The following ENTREP2 variants were observed in gnomAD, a reference collection of about 807,000 sequenced individuals.
ENTREP2 encodes endosomal transmembrane epsin interactor 2, also known as protein ENTREP2.
chr15:29,151,297 A>G, the ENTREP2 span, among the ~76,000 whole-genome samples: 22 of 152,310 alleles, frequency 1.4e-4, no homozygotes, highest in Admixed American at 9.8e-4. Flanking sequence ...AGGGTTCATT[A>G]GCAAATCAAA....
chr15:29,269,170 A>G, the ENTREP2 span: 3 of 1,614,012 alleles, frequency 1.9e-6, no homozygotes, highest in Non-Finnish European at 2.5e-6. Flanking sequence ...GACGATCATC[A>G]GGAGGCCCGT....
the ENTREP2 span, among the ~76,000 whole-genome samples, chr15:29,596,409 A>C: frequency 8.4e-6 from 1 of 118,554 alleles, no homozygotes; most frequent in African/African-American, 2.9e-5. Flanking sequence ...TACTTTAGTT[A>C]ATTCTTTAAT....
the ENTREP2 span, among the ~76,000 whole-genome samples, chr15:29,480,532 C>A: frequency 2.0e-5 from 3 of 151,506 alleles, no homozygotes; most frequent in Non-Finnish European, 4.4e-5. Context: ...CACAGAAGGA[C>A]GTGATGCAAA....
chr15:29,299,998 TG>T, the ENTREP2 span, among the ~76,000 whole-genome samples: 1 of 107,838 alleles, frequency 9.3e-6, no homozygotes, highest in African/African-American at 6.4e-5. Context: ...GGTGGGTGGG[TG>T]GATGGATGGA....
chr15:29,218,628 A>G, the ENTREP2 span, among the ~76,000 whole-genome samples: 1 of 152,314 alleles, frequency 6.6e-6, no homozygotes, highest in African/African-American at 2.4e-5. Flanking sequence ...ACACAGACCA[A>G]TGGAATAGAA....
chr15:29,413,869 C>T, the ENTREP2 span, among the ~76,000 whole-genome samples: 1 of 152,072 alleles, frequency 6.6e-6, no homozygotes, highest in East Asian at 1.9e-4. Context: ...ATAAAACAGA[C>T]TTTAAACCAA....
the ENTREP2 span, among the ~76,000 whole-genome samples, chr15:29,302,421 G>A: frequency 6.6e-6 from 1 of 152,162 alleles, no homozygotes; most frequent in African/African-American, 2.4e-5. Context: ...TTTAAAGGAA[G>A]ATGCAGCTCA....
chr15:29,290,351 C>G, the ENTREP2 span, among the ~76,000 whole-genome samples: 3 of 152,204 alleles, frequency 2.0e-5, no homozygotes, highest in Non-Finnish European at 4.4e-5. Context: ...TGCAGAATCA[C>G]GCGGCTCACT....
the ENTREP2 span, among the ~76,000 whole-genome samples, chr15:29,419,264 G>C: frequency 2.6e-5 from 4 of 151,766 alleles, no homozygotes; most frequent in East Asian, 7.7e-4. Flanking sequence ...ATGAAAAGAA[G>C]AATTTCACCA....
At chr15:29,195,387 C>T in the ENTREP2 span, 30 of 939,068 alleles carry the variant, frequency 3.2e-5, no homozygotes, top group Admixed American at 3.1e-4. Context: ...TCCCCAGATC[C>T]GAGGTGGCTC....
chr15:29,478,319 G>C, the ENTREP2 span, among the ~76,000 whole-genome samples: 2 of 151,896 alleles, frequency 1.3e-5, no homozygotes, highest in African/African-American at 4.8e-5. Context: ...GAGCCACCGC[G>C]TCCAGCCTAA....
chr15:29,539,929 C>T, the ENTREP2 span, among the ~76,000 whole-genome samples: 2 of 152,154 alleles, frequency 1.3e-5, no homozygotes, highest in African/African-American at 2.4e-5. Flanking sequence ...TAGCTGCAAA[C>T]GTGGCCACCA....
At chr15:29,434,065 C>T in the ENTREP2 span, among the ~76,000 whole-genome samples, 1 of 152,152 alleles carries the variant, frequency 6.6e-6, no homozygotes, top group South Asian at 2.1e-4. Context: ...TACCTAGAAA[C>T]GGATGACCAA....
the ENTREP2 span, chr15:29,612,440 C>G: frequency 6.6e-6 from 1 of 151,912 alleles, no homozygotes; most frequent in Non-Finnish European, 1.5e-5. Context: ...CTTCCCACCA[C>G]CACATTCAAA....
the ENTREP2 span, among the ~76,000 whole-genome samples, chr15:29,427,249 G>C: frequency 6.6e-6 from 1 of 152,092 alleles, no homozygotes; most frequent in Non-Finnish European, 1.5e-5. Context: ...AAAGAAGTGA[G>C]AGCAATGATT....
chr15:29,419,615 C>T, the ENTREP2 span, among the ~76,000 whole-genome samples: 5 of 152,188 alleles, frequency 3.3e-5, no homozygotes, highest in Admixed American at 2.0e-4. Flanking sequence ...GTTCAGTAAG[C>T]GCTGCAAAGC....
the ENTREP2 span, among the ~76,000 whole-genome samples, chr15:29,163,831 T>C: frequency 6.6e-6 from 1 of 152,210 alleles, no homozygotes; most frequent in Non-Finnish European, 1.5e-5. Context: ...GGGAAATTCA[T>C]TGCAAAAAGA....
At chr15:29,436,698 T>C in the ENTREP2 span, among the ~76,000 whole-genome samples, 1 of 152,276 alleles carries the variant, frequency 6.6e-6, no homozygotes, top group Non-Finnish European at 1.5e-5. Context: ...TACCCTCAAA[T>C]GAAATGCATT....
the ENTREP2 span, among the ~76,000 whole-genome samples, chr15:29,320,487 A>C: frequency 6.6e-6 from 1 of 152,216 alleles, no homozygotes; most frequent in Admixed American, 6.5e-5. Flanking sequence ...AAAAAATTAG[A>C]AGGCATGGTA....
Sources: allele counts gnomAD v4.1 joint callset (sites outside exome capture counted in the v4.1 genomes callset), GRCh38; gene constraint gnomAD v4.1.1; transcripts MANE v1.5; gene names NCBI Gene and HGNC (gene_info 2026-07-23, HGNC 2026-07-21).